HEMK2: variants seen among roughly 807,000 people sequenced by gnomAD.
The protein encoded by HEMK2 is methyltransferase HEMK2.
At chr21:28,717,607 G>T in the HEMK2 span, among the ~76,000 whole-genome samples, 13 of 149,418 alleles carry the variant, frequency 8.7e-5, no homozygotes, top group Admixed American at 6.8e-4. Flanking sequence ...AGCCTCCCAA[G>T]TAGCTGGGAT....
the HEMK2 span, among the ~76,000 whole-genome samples, chr21:28,714,646 T>C: frequency 6.6e-6 from 1 of 152,216 alleles, no homozygotes; most frequent in African/African-American, 2.4e-5. Flanking sequence ...TCTTCATTTT[T>C]AAAAATTTAA....
At chr21:28,578,052 G>T in the HEMK2 span, among the ~76,000 whole-genome samples, 1 of 152,142 alleles carries the variant, frequency 6.6e-6, no homozygotes, top group Non-Finnish European at 1.5e-5. Flanking sequence ...TTAAGATCAA[G>T]TCTAAACTCC....
At chr21:28,591,606 C>T in the HEMK2 span, among the ~76,000 whole-genome samples, 1 of 152,150 alleles carries the variant, frequency 6.6e-6, no homozygotes, top group Non-Finnish European at 1.5e-5. Flanking sequence ...TACAGGTAAA[C>T]TCACATCATG....
At chr21:28,675,304 C>T in the HEMK2 span, among the ~76,000 whole-genome samples, 5 of 152,208 alleles carry the variant, frequency 3.3e-5, no homozygotes, top group South Asian at 1.0e-3. Context: ...TGGATCAATC[C>T]TAAAAGATAA....
chr21:28,801,898 A>C, the HEMK2 span, among the ~76,000 whole-genome samples: 1 of 152,204 alleles, frequency 6.6e-6, no homozygotes, highest in South Asian at 2.1e-4. Flanking sequence ...CTATGTGGTG[A>C]GCTGTGGGGA....
the HEMK2 span, among the ~76,000 whole-genome samples, chr21:28,816,831 CCAGG>C: frequency 6.6e-6 from 1 of 152,290 alleles, no homozygotes; most frequent in East Asian, 1.9e-4. Context: ...AACGGTGCAT[CCAGG>C]AGCTTCAGCA....
the HEMK2 span, among the ~76,000 whole-genome samples, chr21:28,815,571 G>C: frequency 6.6e-6 from 1 of 151,940 alleles, no homozygotes; most frequent in Non-Finnish European, 1.5e-5. Context: ...GGGAGGAACA[G>C]GGTGCCACCT....
At chr21:28,624,678 A>G in the HEMK2 span, among the ~76,000 whole-genome samples, 1 of 152,204 alleles carries the variant, frequency 6.6e-6, no homozygotes, top group Non-Finnish European at 1.5e-5. Context: ...GAAAGATCTG[A>G]GAAGAATATC....
the HEMK2 span, among the ~76,000 whole-genome samples, chr21:28,753,938 T>A: frequency 6.6e-6 from 1 of 152,232 alleles, no homozygotes; most frequent in Non-Finnish European, 1.5e-5. Context: ...TTTCATGGCG[T>A]GCAATAATAA....
At chr21:28,620,889 G>A in the HEMK2 span, among the ~76,000 whole-genome samples, 1 of 151,788 alleles carries the variant, frequency 6.6e-6, no homozygotes, top group Admixed American at 6.6e-5. Flanking sequence ...GGCCAGGATA[G>A]TTTTGATCTC....
chr21:28,783,358 T>C, the HEMK2 span, among the ~76,000 whole-genome samples: 1 of 152,112 alleles, frequency 6.6e-6, no homozygotes, highest in African/African-American at 2.4e-5. Context: ...CTAATTTTTG[T>C]AATTTTCGTA....
chr21:28,859,601 T>C, the HEMK2 span, among the ~76,000 whole-genome samples: 3 of 152,226 alleles, frequency 2.0e-5, no homozygotes, highest in Non-Finnish European at 1.5e-5. Context: ...GCTCTAATTT[T>C]TGTCTGATAT....
At chr21:28,654,690 A>G in the HEMK2 span, among the ~76,000 whole-genome samples, 1 of 152,122 alleles carries the variant, frequency 6.6e-6, no homozygotes, top group African/African-American at 2.4e-5. Context: ...AGACTTACTG[A>G]AACAAGTCAA....
chr21:28,866,589 G>T, the HEMK2 span, among the ~76,000 whole-genome samples: 1 of 152,064 alleles, frequency 6.6e-6, no homozygotes, highest in Admixed American at 6.6e-5. Flanking sequence ...TACTCCAGAG[G>T]CTTGTGTGAT....
At chr21:28,882,315 A>C in the HEMK2 span, 1 of 1,219,502 alleles carries the variant, frequency 8.2e-7, no homozygotes, top group Non-Finnish European at 1.2e-6. Flanking sequence ...ACTGAGTAAT[A>C]TCAAGGTATG....
the HEMK2 span, among the ~76,000 whole-genome samples, chr21:28,679,593 A>G: frequency 1.5e-4 from 23 of 152,338 alleles, no homozygotes; most frequent in Admixed American, 2.6e-4. Flanking sequence ...TCAACAGAAT[A>G]TACATTCTTC....
chr21:28,720,367 A>G, the HEMK2 span, among the ~76,000 whole-genome samples: 1 of 152,188 alleles, frequency 6.6e-6, no homozygotes, highest in Non-Finnish European at 1.5e-5. Flanking sequence ...GAATAATGAG[A>G]ATCAACTGAA....
the HEMK2 span, among the ~76,000 whole-genome samples, chr21:28,721,933 CACACAT>C: frequency 0.011 from 1,557 of 145,750 alleles, 29 homozygotes; most frequent in African/African-American, 0.035. Flanking sequence ...CACACACACA[CACACAT>C]ACACCTATTT....
At chr21:28,758,485 T>C in the HEMK2 span, among the ~76,000 whole-genome samples, 2 of 150,998 alleles carry the variant, frequency 1.3e-5, no homozygotes, top group Non-Finnish European at 1.5e-5. Flanking sequence ...ACCAGAGGAG[T>C]TGGCAGCAGA....
Sources: allele counts gnomAD v4.1 joint callset (sites outside exome capture counted in the v4.1 genomes callset), GRCh38; gene constraint gnomAD v4.1.1; transcripts MANE v1.5; gene names NCBI Gene and HGNC (gene_info 2026-07-23, HGNC 2026-07-21).